COL8A2: variants seen among roughly 807,000 people sequenced by gnomAD.
COL8A2 encodes the protein collagen type VIII alpha 2 chain, also known as collagen alpha-2(VIII) chain.
A neutral mutation model predicts 24.0 loss-of-function variants in COL8A2; 16 were observed. That is an observed-to-expected ratio of 0.67 (90% confidence interval 0.45 to 1.01). The LOEUF (loss-of-function observed/expected upper bound fraction) is 1.01, where lower values mean the gene tolerates loss of function less well. Ranked by LOEUF, COL8A2 falls within the 50% of genes least tolerant of loss-of-function variation. The pLI is 0.00. For synonymous variants in COL8A2, 466 were observed against 424.5 expected (o/e 1.10, Z -1.20); for missense variants, 818 against 942.4 (o/e 0.87, Z 1.73).
chr1:36,112,067 G>A (rs1412015093), intron 2 of COL8A2, among the ~76,000 whole-genome samples: 5 of 152,058 alleles, frequency 3.3e-5, no homozygotes, highest in African/African-American at 9.7e-5. Flanking sequence ...GCAGTGACGC[G>A]ATCTTGGCTC....
chr1:36,099,199 G>C lies in COL8A2; in HGVS notation c.482C>G (p.Pro161Arg). 6.6e-7 allele frequency: 1 copy of C among 1,518,186 alleles called. No homozygotes were observed. The allele number at this position is 1,518,186 out of a possible 1,614,324, so 94.0% of individuals were successfully genotyped here. A position where few individuals can be genotyped will look rare whatever the true frequency, so the allele number is the denominator to read the frequency against. ...AATGCCTGAGGGGCCCGGGAGGCCA[G>C]GGGGTCCTGGGGGTCCCCGGAGGCC... ...DQGLRGPPGPPGLPGPSGITI... is the reference protein window; with the variant it reads ...DQGLRGPPGPRGLPGPSGITI... The change falls in exon 4 of 4, where the codon CCT (proline) becomes CGT (arginine). Residue 161 changes from proline to arginine, a missense_variant. By Grantham distance (103) the Pro-to-Arg change is moderately radical. Transcript: ENST00000397799.
At chr1:36,103,217 G>A (rs907088740) in intron 2 of COL8A2, among the ~76,000 whole-genome samples, 2 of 151,924 alleles carry the variant, frequency 1.3e-5, no homozygotes, top group Non-Finnish European at 2.9e-5. Flanking sequence ...CTCCCACCTT[G>A]GCCTCCAAAA....
intron 1 of COL8A2, among the ~76,000 whole-genome samples, chr1:36,118,123 T>A (rs1643888304): frequency 6.6e-6 from 1 of 152,212 alleles, no homozygotes; most frequent in South Asian, 2.1e-4. Flanking sequence ...GGCACACTCC[T>A]GGCACTATTG....
Position 36,098,094 on chromosome 1 carries a change from G to T in COL8A2, c.1587C>A (p.Pro529=). ...CATCGAAGGCCCCAGGGGCACCAGG[G>T]GGTCCCGGGGGCCCGGGAGGCCCCG... ...GPPGPPGPPG[P]PGAPGAFDET... Residue 529 remains proline, a synonymous_variant, in exon 4 of 4, where the codon CCC becomes CCA. Transcript: ENST00000397799. 6.5e-7 allele frequency: 1 copy of T among 1,529,014 alleles called. No homozygotes were observed. The highest frequency in any genetic ancestry group is 8.7e-7 in the Non-Finnish European group (1 of 1,147,122). The allele number at this position is 1,529,014 out of a possible 1,614,324, so 94.7% of individuals were successfully genotyped here.
intron 2 of COL8A2, among the ~76,000 whole-genome samples, chr1:36,102,181 A>T (rs530979477): frequency 3.9e-5 from 6 of 152,316 alleles, no homozygotes; most frequent in African/African-American, 1.4e-4. Flanking sequence ...TATATATATA[A>T]AAGGAAGGAA....
chr1:36,111,031 C>T (rs1179294722), intron 2 of COL8A2, among the ~76,000 whole-genome samples: 1 of 152,210 alleles, frequency 6.6e-6, no homozygotes, highest in Non-Finnish European at 1.5e-5. Flanking sequence ...ACTACTCTCC[C>T]AGCTGGTAGA....
At chr1:36,107,339 G>A (rs887813416) in intron 2 of COL8A2, among the ~76,000 whole-genome samples, 2 of 151,982 alleles carry the variant, frequency 1.3e-5, no homozygotes, top group African/African-American at 4.8e-5. Context: ...GTGAGTTTGA[G>A]GCCGCAGTGA....
chr1:36,100,234 C>T lies in COL8A2; in HGVS notation c.9G>A (p.Gly3=). Residue 3 remains glycine, a synonymous_variant, in exon 3 of 4, where the codon GGG becomes GGA. Coordinates refer to ENST00000397799, the MANE Select transcript of COL8A2 (RefSeq NM_005202.4). ML[G]TLTPLSSLLL... is the part of the protein sequence containing the mutation. ...GCAGCGAAGACAGGGGTGTCAGAGT[C>T]CCCAGCATGGCGTCCGTGGACGTGC... The T allele has an allele frequency of 1.3e-6, 2 of 1,562,092 alleles. No homozygotes were observed. Among genetic ancestry groups the T allele is most frequent in the South Asian group, 1.2e-5 (1 of 86,210 alleles).
chr1:36,099,234 T>G lies in COL8A2; in HGVS notation c.447A>C (p.Arg149=). 1.3e-6 allele frequency: 2 copies of G among 1,545,476 alleles called. No homozygotes were observed. The highest frequency in any genetic ancestry group is 1.7e-6 in the Non-Finnish European group (2 of 1,144,968). ...GGGGTCCCCGGAGGCCCTGGTCCCC[T>G]CGTATTCCTGGCTCCCCCCGAAGCC... ...QPGLRGEPGI[R]GDQGLRGPPG... is the part of the protein sequence containing the mutation. The change falls in exon 4 of 4, where the codon CGA becomes CGC. Residue 149 remains arginine, a synonymous_variant. Coordinates refer to ENST00000397799, the MANE Select transcript of COL8A2 (RefSeq NM_005202.4).
intron 1 of COL8A2, among the ~76,000 whole-genome samples, chr1:36,117,336 C>T (rs538518466): frequency 5.9e-5 from 9 of 152,198 alleles, no homozygotes; most frequent in African/African-American, 2.2e-4. Flanking sequence ...GCCCCAGCCC[C>T]GTCCCTGCAC....
chr1:36,101,994 C>T (rs1643684594), intron 2 of COL8A2, among the ~76,000 whole-genome samples: 1 of 151,900 alleles, frequency 6.6e-6, no homozygotes, highest in Non-Finnish European at 1.5e-5. Context: ...GCCTGGGCAA[C>T]CTGGTGAAAC....
chr1:36,100,214 G>A lies in COL8A2; in HGVS notation c.29C>T (p.Ser10Leu), dbSNP rs1290431877. The A allele has an allele frequency of 2.7e-5, 42 of 1,581,890 alleles. No homozygotes were observed. Among genetic ancestry groups the A allele is most frequent in the Admixed American group, 3.6e-5 (2 of 55,004 alleles). Residue 10 changes from serine to leucine, a missense_variant, in exon 3 of 4, where the codon TCG becomes TTG. By Grantham distance (145) the Ser-to-Leu change is moderately radical. Coordinates refer to ENST00000397799, the MANE Select transcript of COL8A2 (RefSeq NM_005202.4). ...CAGCACCAGTAGCAGCAGCAGCAGCGAAGACAGGGGTGTCAGAGTCCCCAG... is the reference window on the plus strand; with the variant it reads ...CAGCACCAGTAGCAGCAGCAGCAGCAAAGACAGGGGTGTCAGAGTCCCCAG... MLGTLTPLS[S>L]LLLLLLVLVL...
intron 2 of COL8A2, among the ~76,000 whole-genome samples, chr1:36,102,171 T>C (rs567529374): frequency 4.4e-4 from 67 of 152,224 alleles, no homozygotes; most frequent in East Asian, 1.3e-3. Flanking sequence ...TCTCAAAATA[T>C]ATATATATAA....
chr1:36,116,942 C>T (rs1447005056), intron 1 of COL8A2, among the ~76,000 whole-genome samples: 2 of 152,182 alleles, frequency 1.3e-5, no homozygotes, highest in African/African-American at 2.4e-5. Context: ...TAACAAAAGT[C>T]GTAGTCCAGG....
intron 2 of COL8A2, among the ~76,000 whole-genome samples, chr1:36,103,014 C>T (rs1451262720): frequency 1.3e-5 from 2 of 152,084 alleles, no homozygotes; most frequent in African/African-American, 4.8e-5. Context: ...CACAGTGTCA[C>T]TCTGTTGCCC....
chr1:36,097,944 C>T lies in COL8A2; in HGVS notation c.1737G>A (p.Ala579=), dbSNP rs148241498. ...LSAHATPAFT[A]VLTSPFPASG... ...AGGCGGGGAAGGGCGAGGTGAGCAC[C>T]GCAGTGAAGGCCGGTGTGGCATGGG... is the stretch of plus-strand genomic sequence containing the variant. The change falls in exon 4 of 4, where the codon GCG becomes GCA. Residue 579 remains alanine, a synonymous_variant. Coordinates refer to ENST00000397799, the MANE Select transcript of COL8A2 (RefSeq NM_005202.4). 30 of 1,610,126 alleles carry T rather than the reference C, an allele frequency of 1.9e-5. No individual in the cohort carries two copies. Among genetic ancestry groups the T allele is most frequent in the African/African-American group, 1.7e-4 (13 of 75,050 alleles).
chr1:36,107,582 G>A (rs1031070412), intron 2 of COL8A2, among the ~76,000 whole-genome samples: 2 of 152,146 alleles, frequency 1.3e-5, no homozygotes, highest in Admixed American at 6.5e-5. Flanking sequence ...CCTGGCATGC[G>A]CCCATCTGGG....
intron 3 of COL8A2, among the ~76,000 whole-genome samples, 194 bp from the exon 4 acceptor site, chr1:36,099,681 G>A (rs1643645035): frequency 6.6e-6 from 1 of 152,128 alleles, no homozygotes; most frequent in African/African-American, 2.4e-5. Flanking sequence ...TCCTCCTTAA[G>A]GGCTCCTAAC....
Position 36,125,031 on chromosome 1 carries a change from C to T in COL8A2, c.-62+26G>A. Reference sequence around the variant, plus strand: ...GCCCTCGGAGCCCCCCAGCCCGAGCCCCGGTGCCCGCCTCCTGGCCTTTAC... The same window carrying T: ...GCCCTCGGAGCCCCCCAGCCCGAGCTCCGGTGCCCGCCTCCTGGCCTTTAC... On this transcript the variant is annotated intron_variant, in intron 1 of 3. Transcript: ENST00000397799. This position sits in a 1 kb window ranked among gnomAD's most constrained non-coding sequence, Gnocchi z 4.5. 3 of 946,300 alleles carry T rather than the reference C, an allele frequency of 3.2e-6. No individual in the cohort carries two copies. Among genetic ancestry groups the T allele is most frequent in the Non-Finnish European group, 3.8e-6 (3 of 794,366 alleles). The allele number at this position is 946,300 out of a possible 1,614,324, so 58.6% of individuals were successfully genotyped here.
Sources: allele counts gnomAD v4.1 joint callset (sites outside exome capture counted in the v4.1 genomes callset), GRCh38; gene constraint gnomAD v4.1.1; non-coding constraint Gnocchi (gnomAD v3.1); transcripts MANE v1.5; gene names NCBI Gene and HGNC (gene_info 2026-07-23, HGNC 2026-07-21).